BCAS1: variants seen among roughly 807,000 people sequenced by gnomAD.
BCAS1 encodes the protein breast carcinoma-amplified sequence 1.
In BCAS1, 46 loss-of-function variants were observed where a neutral mutation model predicts 65.4. The observed-to-expected ratio is 0.70, with a 90% CI of 0.55 to 0.90. The LOEUF (loss-of-function observed/expected upper bound fraction) is 0.90, where lower values mean the gene tolerates loss of function less well. BCAS1 is among the 40% of genes least tolerant of loss of function. BCAS1 has a pLI of 0.00. For synonymous variants in BCAS1, 298 were observed against 293.5 expected, an observed-to-expected ratio of 1.02 and a Z score of -0.16; for missense variants, 793 against 771.2, an observed-to-expected ratio of 1.03 and a Z score of -0.33.
chr20:54,030,725 CA>C (rs1200584278), intron 3 of BCAS1, among the ~76,000 whole-genome samples: 1 of 151,172 alleles, frequency 6.6e-6, no homozygotes, highest in Non-Finnish European at 1.5e-5. Context: ...AGCATTGAGG[CA>C]CAGTGAAGAA....
At position 53,992,595 on chromosome 20, in the gene BCAS1, C is replaced by T. The variant is rs757921049; in HGVS notation, c.979G>A (p.Glu327Lys). ...CDGQAGQKTS[E>K]IQARGTKKKH... is the part of the protein sequence containing the mutation. ...TTCTTGGTGCCTCTAGCCTGGATCTCGGATGTCTTCTGACCAGCTTGTCCA... is the reference window on the plus strand; with the variant it reads ...TTCTTGGTGCCTCTAGCCTGGATCTTGGATGTCTTCTGACCAGCTTGTCCA... Residue 327 changes from glutamate (E) to lysine (K), a missense_variant, in exon 7 of 13, where the codon GAG becomes AAG. Physicochemically the swap from Glu to Lys is moderately conservative, Grantham distance 56 (BLOSUM62 1). Transcript: ENST00000688948. 2.2e-6 allele frequency: 3 copies of T among 1,365,842 alleles called. No homozygotes were observed. The highest frequency in any genetic ancestry group is 1.5e-5 in the African/African-American group (1 of 67,616). 84.6% of individuals were successfully genotyped at this position (1,365,842 alleles called of 1,614,324 possible). A position where few individuals can be genotyped will look rare whatever the true frequency, so the allele number is the denominator to read the frequency against.
intron 1 of BCAS1, among the ~76,000 whole-genome samples, chr20:54,059,300 A>G (rs1031463513): frequency 1.3e-5 from 2 of 152,248 alleles, no homozygotes; most frequent in Non-Finnish European, 2.9e-5. Flanking sequence ...CATAATTTTC[A>G]GTTGCATTTC....
At chr20:53,962,214 T>C (rs2089899198) in intron 10 of BCAS1, among the ~76,000 whole-genome samples, 1 of 152,214 alleles carries the variant, frequency 6.6e-6, no homozygotes, top group Non-Finnish European at 1.5e-5. Context: ...CCACCCTCTT[T>C]CCACCTCCAA....
At chr20:54,063,598 T>A (rs1198798405) in intron 1 of BCAS1, among the ~76,000 whole-genome samples, 1 of 152,198 alleles carries the variant, frequency 6.6e-6, no homozygotes, top group Non-Finnish European at 1.5e-5. Context: ...TAGAAAATAG[T>A]GTGATGGTGA....
intron 4 of BCAS1, among the ~76,000 whole-genome samples, chr20:54,022,627 T>C (rs1413444509): frequency 6.6e-6 from 1 of 152,180 alleles, no homozygotes; most frequent in Non-Finnish European, 1.5e-5. Context: ...TTTGCGACCT[T>C]AACGCAGGTA....
chr20:53,947,274 CAGTA>C (rs2089356706), intron 12 of BCAS1, among the ~76,000 whole-genome samples: 1 of 152,130 alleles, frequency 6.6e-6, no homozygotes, highest in Non-Finnish European at 1.5e-5. Context: ...CTTTGTCACA[CAGTA>C]AGTGTGATAA....
intron 1 of BCAS1, among the ~76,000 whole-genome samples, chr20:54,059,710 G>A (rs2092353206): frequency 6.6e-6 from 1 of 152,150 alleles, no homozygotes; most frequent in South Asian, 2.1e-4. Context: ...TCGTTCCTAG[G>A]CCACTAACTT....
rs1248532228 is a variant in BCAS1 at position 53,957,441 on chromosome 20, G to A, written c.1542C>T (p.Ser514=). The A allele has an allele frequency of 6.2e-7, 1 of 1,613,902 alleles. No individual in the cohort carries two copies. Among genetic ancestry groups the A allele is most frequent in the Non-Finnish European group, 8.5e-7 (1 of 1,179,772 alleles). The part of the protein sequence containing the change: ...THSEEINGKD[S]SCQTSDSTEK... ...GTTCGAGGTCACTTACTTGGCAGCTGGAGTCTTTCCCATTTATTTCTTCTG... is the reference window on the plus strand; with the variant it reads ...GTTCGAGGTCACTTACTTGGCAGCTAGAGTCTTTCCCATTTATTTCTTCTG... Residue 514 remains serine, a synonymous_variant, in exon 11 of 13, where the codon TCC becomes TCT. Coordinates refer to ENST00000688948, the MANE Select transcript of BCAS1 (RefSeq NM_001366298.2).
At chr20:53,996,589 G>A (rs918818799) in intron 4 of BCAS1, among the ~76,000 whole-genome samples, 1 of 151,754 alleles carries the variant, frequency 6.6e-6, no homozygotes, top group Non-Finnish European at 1.5e-5. Flanking sequence ...TTTTCTCCCC[G>A]ACCTCCTCAG....
intron 3 of BCAS1, among the ~76,000 whole-genome samples, chr20:54,047,538 C>T (rs1006345363): frequency 2.6e-5 from 4 of 152,196 alleles, no homozygotes; most frequent in African/African-American, 7.2e-5. Flanking sequence ...CTCTTGCTCA[C>T]TCCCAAGGAA....
In BCAS1 at chr20:54,058,635, T is replaced by C. The variant is rs1274564703; in HGVS notation, c.72+12A>G. ...TTTTCTGCTGATGCCCCTGTAATGG[T>C]TACTACACTACCTGGTAAGTCTCTG... is the stretch of plus-strand genomic sequence containing the variant. On this transcript the variant is annotated intron_variant, in intron 2 of 12. Transcript: ENST00000688948. 6.4e-7 allele frequency: 1 copy of C among 1,569,464 alleles called. No homozygotes were observed. Among genetic ancestry groups the C allele is most frequent in the East Asian group, 2.3e-5 (1 of 43,432 alleles).
intron 1 of BCAS1, among the ~76,000 whole-genome samples, chr20:54,059,189 G>A (rs2092345952): frequency 6.6e-6 from 1 of 152,168 alleles, no homozygotes. Context: ...AAGATTTTAC[G>A]TAGAGACACA....
intron 9 of BCAS1, among the ~76,000 whole-genome samples, chr20:53,973,528 G>A (rs1225178756): frequency 6.6e-6 from 1 of 152,166 alleles, no homozygotes; most frequent in East Asian, 1.9e-4. Context: ...CATCTGAGCT[G>A]CGGGAAACAC....
rs1009629383 is a variant in BCAS1 at position 54,028,975 on chromosome 20, G to A, written c.143-3C>T. ...CTTGACACTTATTCCCAAGTCGACT[G>A]TAAACACAAACATAAACAGTGGTTA... On this transcript the variant is annotated splice_polypyrimidine_tract_variant and splice_region_variant and intron_variant, in intron 3 of 12. Coordinates refer to ENST00000688948, the MANE Select transcript of BCAS1 (RefSeq NM_001366298.2). 30 of 1,602,126 alleles carry A rather than the reference G, an allele frequency of 1.9e-5. No individual in the cohort carries two copies. Among genetic ancestry groups the A allele is most frequent in the Non-Finnish European group, 2.5e-5 (29 of 1,174,870 alleles).
chr20:54,016,050 G>A (rs1253119763), intron 4 of BCAS1, among the ~76,000 whole-genome samples: 1 of 152,164 alleles, frequency 6.6e-6, no homozygotes, highest in Admixed American at 6.5e-5. Flanking sequence ...TATGGCACAG[G>A]AAGGCAGAGA....
In BCAS1 at chr20:54,028,298, G is replaced by T. The variant is rs74641839; in HGVS notation, c.723+94C>A. 3.7e-6 allele frequency: 5 copies of T among 1,341,360 alleles called. No individual in the cohort carries two copies. The African/African-American group carries it at 5.7e-5, about 15-fold the overall frequency. 83.1% of individuals were successfully genotyped at this position (1,341,360 alleles called of 1,614,324 possible). ...GGTCAACAGCTTGCCACCTTGCCTA[G>T]GCCCAGGGTGACTGCATATGTGCAG... On this transcript the variant is annotated intron_variant, in intron 4 of 12. Coordinates refer to ENST00000688948, the MANE Select transcript of BCAS1 (RefSeq NM_001366298.2).
intron 10 of BCAS1, among the ~76,000 whole-genome samples, chr20:53,961,808 G>A (rs2089885622): frequency 6.6e-6 from 1 of 152,128 alleles, no homozygotes; most frequent in African/African-American, 2.4e-5. Flanking sequence ...TGGAATTCTG[G>A]CTCTCCCGCT....
At chr20:54,068,531 C>A (rs943748376) in intron 1 of BCAS1, 2 of 152,982 alleles carry the variant, frequency 1.3e-5, no homozygotes, top group African/African-American at 4.8e-5. Context: ...TGGTGCCAGG[C>A]ACTTCACACA....
At chr20:54,024,410 C>T (rs986633299) in intron 4 of BCAS1, among the ~76,000 whole-genome samples, 5 of 152,126 alleles carry the variant, frequency 3.3e-5, no homozygotes, top group Non-Finnish European at 7.3e-5. Context: ...CCATTCTGGA[C>T]ACATTAGGGT....
Sources: allele counts gnomAD v4.1 joint callset (sites outside exome capture counted in the v4.1 genomes callset), GRCh38; gene constraint gnomAD v4.1.1; transcripts MANE v1.5; gene names NCBI Gene and HGNC (gene_info 2026-07-23, HGNC 2026-07-21).